The following NAALADL2 variants were observed in gnomAD, a reference collection of about 807,000 sequenced individuals.
NAALADL2 encodes the protein inactive N-acetylated-alpha-linked acidic dipeptidase-like protein 2.
A neutral mutation model predicts 87.2 loss-of-function variants in NAALADL2; 76 were observed. The observed-to-expected ratio is 0.87, with a 90% CI of 0.72 to 1.05. The LOEUF (loss-of-function observed/expected upper bound fraction) is 1.05, where lower values mean the gene tolerates loss of function less well. NAALADL2 is among the 50% of genes least tolerant of loss of function. The pLI, the probability that NAALADL2 is intolerant of heterozygous loss-of-function variation, is 0.00. For missense variants in NAALADL2, 1,089 were observed against 945.8 expected (o/e 1.15, Z -1.99); for synonymous variants, 354 against 331.0 (o/e 1.07, Z -0.75).
chr3:175,020,781 C>T (rs946669826), intron 1 of NAALADL2, among the ~76,000 whole-genome samples: 6 of 151,964 alleles, frequency 3.9e-5, no homozygotes, highest in Admixed American at 6.6e-5. Flanking sequence ...CCAAACTACT[C>T]GCAACTACAA....
At chr3:174,558,557 G>T (rs1249018269) in intron 2 of NAALADL2, among the ~76,000 whole-genome samples, 1 of 152,068 alleles carries the variant, frequency 6.6e-6, no homozygotes, top group Non-Finnish European at 1.5e-5. Context: ...ACACAATCTA[G>T]ATCTCTCACA....
intron 5 of NAALADL2, among the ~76,000 whole-genome samples, chr3:175,414,121 G>A (rs1197823494): frequency 1.3e-5 from 2 of 152,154 alleles, no homozygotes; most frequent in Non-Finnish European, 2.9e-5. Flanking sequence ...GGGGATTTAC[G>A]GTAGCCTAAT....
Position 175,808,808 on chromosome 3 carries a change from C to A in NAALADL2, c.*5605C>A, listed in dbSNP as rs1004900348. The A allele has an allele frequency of 6.6e-6, 1 of 151,920 alleles. No homozygotes were observed. The highest frequency in any genetic ancestry group is 2.4e-5 in the African/African-American group (1 of 41,384). 9.4% of individuals were successfully genotyped at this position (151,920 alleles called of 1,614,324 possible). A position where few individuals can be genotyped will look rare whatever the true frequency, so the allele number is the denominator to read the frequency against. Reference sequence around the variant, plus strand: ...TCGGTCTTTTGTTCTAATTAAAGTACAAACGTGGCATCTGAATAGAAGCTT... The same window carrying A: ...TCGGTCTTTTGTTCTAATTAAAGTAAAAACGTGGCATCTGAATAGAAGCTT... On this transcript the variant is annotated 3_prime_UTR_variant, in exon 14 of 14. Coordinates refer to ENST00000454872, the MANE Select transcript of NAALADL2 (RefSeq NM_207015.3).
intron 2 of NAALADL2, among the ~76,000 whole-genome samples, chr3:175,205,853 A>G (rs1200651510): frequency 6.6e-6 from 1 of 152,046 alleles, no homozygotes; most frequent in Non-Finnish European, 1.5e-5. Flanking sequence ...AAAATGCCCA[A>G]CATCACTAAT....
At chr3:175,119,887 CATATAT>C (rs10688417) in intron 2 of NAALADL2, among the ~76,000 whole-genome samples, 19 of 143,134 alleles carry the variant, frequency 1.3e-4, no homozygotes, top group African/African-American at 4.8e-4. Flanking sequence ...TATATATATA[CATATAT>C]ATATATATAA....
At chr3:175,467,670 A>T (rs1052061231) in intron 8 of NAALADL2, among the ~76,000 whole-genome samples, 1 of 151,326 alleles carries the variant, frequency 6.6e-6, no homozygotes, top group Non-Finnish European at 1.5e-5. Context: ...TCCTTTTACC[A>T]CTCCACTCTT....
rs535200503 is a variant in NAALADL2 at position 175,444,874 on chromosome 3, C to T, written c.1091-2355C>T. On this transcript the variant is annotated intron_variant, in intron 5 of 13. Coordinates refer to ENST00000454872, the MANE Select transcript of NAALADL2 (RefSeq NM_207015.3). ...TTTTTCTTCAAAGCCATGACTTCCA[C>T]GGCTGCCATAGGCCAAACCAAATAT... Among the ~76,000 whole-genome samples, 6 of 152,316 alleles carry T rather than the reference C, an allele frequency of 3.9e-5. No homozygotes were observed. In the South Asian group the frequency reaches 8.3e-4, roughly 21 times the overall value.
intron 2 of NAALADL2, among the ~76,000 whole-genome samples, chr3:175,106,843 T>C (rs1203667885): frequency 2.0e-5 from 3 of 152,100 alleles, no homozygotes; most frequent in Non-Finnish European, 4.4e-5. Flanking sequence ...ATTAATTCCA[T>C]AATCTCATAG....
intron 1 of NAALADL2, among the ~76,000 whole-genome samples, chr3:175,057,054 G>A (rs1405313897): frequency 1.3e-5 from 2 of 152,170 alleles, no homozygotes; most frequent in Non-Finnish European, 2.9e-5. Context: ...AATGTAAGTT[G>A]CTTTCACATT....
At chr3:175,007,587 T>A (rs1749205481) in intron 1 of NAALADL2, among the ~76,000 whole-genome samples, 1 of 152,192 alleles carries the variant, frequency 6.6e-6, no homozygotes, top group African/African-American at 2.4e-5. Flanking sequence ...TAGAAACATT[T>A]CCTAAAGACT....
chr3:174,882,764 C>CACATATGTATAT (rs1729517900), intron 1 of NAALADL2, among the ~76,000 whole-genome samples: 1 of 140,270 alleles, frequency 7.1e-6, no homozygotes, highest in South Asian at 2.2e-4. Flanking sequence ...TGTATATATA[C>CACATATGTATAT]ACACGTGTAT....
At chr3:175,107,091 T>C (rs921605763) in intron 2 of NAALADL2, among the ~76,000 whole-genome samples, 12 of 152,038 alleles carry the variant, frequency 7.9e-5, no homozygotes, top group African/African-American at 2.9e-4. Flanking sequence ...GGTAATTTTA[T>C]TTTTGCAAAT....
chr3:175,521,629 A>C (rs1043678190), intron 9 of NAALADL2, among the ~76,000 whole-genome samples: 1 of 152,160 alleles, frequency 6.6e-6, no homozygotes, highest in African/African-American at 2.4e-5. Context: ...CCAATAACTA[A>C]TGTCCTGGTA....
intron 4 of NAALADL2, among the ~76,000 whole-genome samples, chr3:175,281,430 C>T (rs1754298343): frequency 6.6e-6 from 1 of 151,840 alleles, no homozygotes; most frequent in African/African-American, 2.4e-5. Flanking sequence ...GGCTAAAACA[C>T]CTTTGCAATG....
chr3:174,856,023 G>C (rs1450871697), upstream of NAALADL2, among the ~76,000 whole-genome samples: 1 of 151,232 alleles, frequency 6.6e-6, no homozygotes, highest in Non-Finnish European at 1.5e-5. Flanking sequence ...AAGTAAGAGA[G>C]AGAGACAGGT....
chr3:175,630,279 G>T, intron 11 of NAALADL2, among the ~76,000 whole-genome samples: 1 of 151,792 alleles, frequency 6.6e-6, no homozygotes, highest in East Asian at 1.9e-4. Context: ...CAGGATATAT[G>T]GAGCATGGGT....
At chr3:175,335,722 G>A (rs1761905279) in intron 5 of NAALADL2, among the ~76,000 whole-genome samples, 1 of 152,102 alleles carries the variant, frequency 6.6e-6, no homozygotes, top group East Asian at 1.9e-4. Flanking sequence ...GATGTGTCTT[G>A]TATGAAAAAT....
At chr3:175,425,883 T>C (rs549803054) in intron 5 of NAALADL2, among the ~76,000 whole-genome samples, 10 of 152,252 alleles carry the variant, frequency 6.6e-5, no homozygotes, top group Non-Finnish European at 1.5e-4. Flanking sequence ...CCCTTGTTTT[T>C]CAGCTGAGGA....
At chr3:175,738,243 AT>A (rs67330218) in intron 12 of NAALADL2, among the ~76,000 whole-genome samples, 3,444 of 150,420 alleles carry the variant, frequency 0.023, 62 homozygotes, top group Admixed American at 0.063. Context: ...TGAAAATTTA[AT>A]TTTTTTTTTC....
Sources: gnomAD v4.1 joint callset for allele counts (sites outside exome capture counted in the v4.1 genomes callset) on GRCh38, gnomAD v4.1.1 for gene constraint, MANE v1.5 for transcripts, NCBI Gene and HGNC (gene_info 2026-07-23, HGNC 2026-07-21) for gene names.